Variants in PDE10A observed in about 807,000 individuals in gnomAD.
PDE10A encodes phosphodiesterase 10A.
In PDE10A, 39 loss-of-function variants were observed where a neutral mutation model predicts 97.7. The ratio of observed to expected loss-of-function variants is 0.40; its 90% CI spans 0.31 to 0.52. The LOEUF is 0.52. Among genes scored for constraint, PDE10A ranks in the 20% least tolerant of loss-of-function variants. PDE10A has a pLI of 0.56. For missense variants in PDE10A, 731 were observed against 1,047.8 expected (o/e 0.70, Z 4.17); for synonymous variants, 371 against 376.8 (o/e 0.98, Z 0.18).
At chr6:165,511,376 T>C (rs953844894) in intron 2 of PDE10A, among the ~76,000 whole-genome samples, 11 of 152,052 alleles carry the variant, frequency 7.2e-5, no homozygotes, top group Non-Finnish European at 1.2e-4. Context: ...TATTGTAGTC[T>C]GAGAAGATAC....
intron 1 of PDE10A, among the ~76,000 whole-genome samples, chr6:165,694,220 A>T (rs1042017728): frequency 2.6e-5 from 4 of 152,222 alleles, no homozygotes; most frequent in African/African-American, 9.6e-5. Flanking sequence ...AAAATCAAAG[A>T]CAGAGAATCC....
At chr6:165,793,791 T>G (rs1345450837) in intron 1 of PDE10A, among the ~76,000 whole-genome samples, 3 of 152,184 alleles carry the variant, frequency 2.0e-5, no homozygotes, top group Non-Finnish European at 4.4e-5. Context: ...ACAGACCATC[T>G]TACAAAGATT....
intron 1 of PDE10A, among the ~76,000 whole-genome samples, chr6:165,683,781 G>A (rs1361239490): frequency 1.3e-5 from 2 of 152,228 alleles, no homozygotes; most frequent in East Asian, 1.9e-4. Flanking sequence ...ACCTTTGTAC[G>A]TCACCGATTG....
At chr6:165,885,854 A>C (rs1473066392) in intron 1 of PDE10A, among the ~76,000 whole-genome samples, 1 of 152,242 alleles carries the variant, frequency 6.6e-6, no homozygotes, top group African/African-American at 2.4e-5. Flanking sequence ...TTGGAAGGGA[A>C]GACAGAAAGT....
intron 1 of PDE10A, chr6:165,774,831 C>CTTTTTTT (rs5881660): frequency 1.4e-4 from 15 of 107,868 alleles, no homozygotes; most frequent in East Asian, 2.5e-4. Context: ...ACTTTTTTTT[C>CTTTTTTT]TTTTTTTTTT....
chr6:165,620,138 T>C (rs1204911342), intron 1 of PDE10A, among the ~76,000 whole-genome samples: 1 of 152,120 alleles, frequency 6.6e-6, no homozygotes, highest in Non-Finnish European at 1.5e-5. Flanking sequence ...TCCTGTCCTT[T>C]AGCTAATAAA....
At chr6:165,405,206 A>G (rs1346387363) in intron 13 of PDE10A, among the ~76,000 whole-genome samples, 1 of 152,230 alleles carries the variant, frequency 6.6e-6, no homozygotes, top group Admixed American at 6.5e-5. Context: ...CTCAGCGTAT[A>G]GAAGACAACT....
In PDE10A at chr6:165,622,209, C is replaced by T. The variant is rs112095801; in HGVS notation, c.865+39738G>A. On this transcript the variant is annotated intron_variant, in intron 1 of 21. Transcript: ENST00000539869. Reference sequence around the variant, plus strand: ...CCAGACTTGCTGGCCTCCTCAACCACGTGAGCCAGTGCCTTAAAGTCAATC... The same window carrying T: ...CCAGACTTGCTGGCCTCCTCAACCATGTGAGCCAGTGCCTTAAAGTCAATC... Among the ~76,000 whole-genome samples, 268 of 152,300 alleles carry T rather than the reference C, an allele frequency of 1.8e-3. 1 individual carries two copies. The highest frequency in any genetic ancestry group is 6.0e-3 in the African/African-American group (249 of 41,572).
chr6:165,691,630 C>T (rs143564893), intron 1 of PDE10A, among the ~76,000 whole-genome samples: 59 of 150,994 alleles, frequency 3.9e-4, no homozygotes, highest in Middle Eastern at 3.4e-3. Flanking sequence ...CACACAGCAT[C>T]GGTTCTGTTT....
intron 1 of PDE10A, among the ~76,000 whole-genome samples, chr6:165,691,105 C>CTCTCT (rs1562686924): frequency 8.8e-5 from 3 of 33,982 alleles, no homozygotes; most frequent in African/African-American, 2.7e-4. Flanking sequence ...CTCTTTCTCT[C>CTCTCT]TCCCCCCCCC....
At chr6:165,963,215 G>A (rs1784409065) in intron 1 of PDE10A, among the ~76,000 whole-genome samples, 1 of 152,190 alleles carries the variant, frequency 6.6e-6, no homozygotes, top group African/African-American at 2.4e-5. Context: ...ACTTACACAA[G>A]AGAAGAGCAA....
intron 13 of PDE10A, among the ~76,000 whole-genome samples, chr6:165,399,281 C>T (rs1292777721): frequency 6.6e-6 from 1 of 152,078 alleles, no homozygotes; most frequent in East Asian, 1.9e-4. Context: ...TACATCAACC[C>T]AATCAAAATC....
At chr6:165,461,197 T>A (rs1778306789) in intron 3 of PDE10A, among the ~76,000 whole-genome samples, 1 of 152,222 alleles carries the variant, frequency 6.6e-6, no homozygotes, top group African/African-American at 2.4e-5. Context: ...ATACAACCTA[T>A]GGGAGCATTA....
At position 165,483,362 on chromosome 6, in the gene PDE10A, C is replaced by G. The variant is rs140059602; in HGVS notation, c.995-1019G>C. On this transcript the variant is annotated intron_variant, in intron 2 of 21. Coordinates refer to ENST00000539869, the MANE Select transcript of PDE10A (RefSeq NM_001385079.1). ...TTTTGTATTACTGTATTAATACACA[C>G]TTGCTCATATATTTTCTTATCATTG... 1.6e-3 allele frequency among the ~76,000 whole-genome samples: 239 copies of G among 152,318 alleles called. 1 individual carries two copies. The highest frequency in any genetic ancestry group is 6.8e-3 in the Middle Eastern group (2 of 294).
chr6:165,596,459 C>T (rs1378004399), intron 1 of PDE10A, among the ~76,000 whole-genome samples: 2 of 152,208 alleles, frequency 1.3e-5, no homozygotes, highest in African/African-American at 2.4e-5. Context: ...CCAGGTGCAG[C>T]AGTTTATACC....
At chr6:165,333,609 G>T (rs910858800) in intron 21 of PDE10A, among the ~76,000 whole-genome samples, 1 of 152,098 alleles carries the variant, frequency 6.6e-6, no homozygotes. Context: ...ACAGTGTGTC[G>T]TATGTACAAA....
At chr6:165,723,452 C>G (rs554435245) in intron 1 of PDE10A, among the ~76,000 whole-genome samples, 1 of 152,264 alleles carries the variant, frequency 6.6e-6, no homozygotes, top group East Asian at 1.9e-4. Flanking sequence ...GTTTCCTTGT[C>G]CTTGTTCACA....
chr6:165,358,762 T>TGC (rs1208773506), intron 18 of PDE10A, among the ~76,000 whole-genome samples: 1 of 151,946 alleles, frequency 6.6e-6, no homozygotes, highest in Non-Finnish European at 1.5e-5. Context: ...CCTCTTGTCC[T>TGC]GCTTCCCTGT....
intron 1 of PDE10A, among the ~76,000 whole-genome samples, chr6:165,771,499 C>T (rs371341669): frequency 2.6e-5 from 4 of 152,088 alleles, no homozygotes; most frequent in Admixed American, 2.0e-4. Flanking sequence ...AGAGAAGACA[C>T]CTGGGAAGGA....
Sources: allele counts gnomAD v4.1 joint callset (sites outside exome capture counted in the v4.1 genomes callset), GRCh38; gene constraint gnomAD v4.1.1; transcripts MANE v1.5; gene names NCBI Gene and HGNC (gene_info 2026-07-23, HGNC 2026-07-21).